Variants in LRRC8D observed in about 807,000 individuals in gnomAD.
LRRC8D encodes the protein volume-regulated anion channel subunit LRRC8D.
Under a neutral mutation model 55.8 loss-of-function variants are expected in LRRC8D, and 20 were observed. The observed-to-expected ratio is 0.36, with a 90% CI of 0.25 to 0.52. The LOEUF is 0.52. Among genes scored for constraint, LRRC8D ranks in the 20% least tolerant of loss-of-function variants. The probability of loss-of-function intolerance (pLI) is 0.93; values close to 1 mark genes in which losing one functional copy is unlikely to be tolerated. For synonymous variants in LRRC8D, 352 were observed against 377.0 expected (o/e 0.93, Z 0.77); for missense variants, 651 against 1,030.8 (o/e 0.63, Z 5.05).
Position 89,935,276 on chromosome 1 carries a change from G to T in LRRC8D, c.2208G>T (p.Val736=). ...TACAGAAACTCAGATGCTTAGATGTGAGCTACAACAACATTTCAATGATTC... is the reference window on the plus strand; with the variant it reads ...TACAGAAACTCAGATGCTTAGATGTTAGCTACAACAACATTTCAATGATTC... ...FSLQKLRCLD[V]SYNNISMIPI... Residue 736 remains valine, a synonymous_variant, in exon 3 of 3, where the codon GTG becomes GTT. Transcript: ENST00000337338. 6.2e-7 allele frequency: 1 copy of T among 1,614,150 alleles called. No homozygotes were observed. The highest frequency in any genetic ancestry group is 8.5e-7 in the Non-Finnish European group (1 of 1,180,008).
At chr1:89,837,313 G>C (rs1045195495) in intron 1 of LRRC8D, among the ~76,000 whole-genome samples, 1 of 152,114 alleles carries the variant, frequency 6.6e-6, no homozygotes, top group Non-Finnish European at 1.5e-5. Flanking sequence ...TTTCAGCCTA[G>C]TGCCCCTAGA....
At chr1:89,836,596 G>A (rs1416445387) in intron 1 of LRRC8D, among the ~76,000 whole-genome samples, 4 of 152,202 alleles carry the variant, frequency 2.6e-5, no homozygotes, top group Non-Finnish European at 5.9e-5. Flanking sequence ...TACTGATAGT[G>A]TATGGAATAA....
intron 2 of LRRC8D, among the ~76,000 whole-genome samples, chr1:89,852,544 C>T (rs1661445279): frequency 6.6e-6 from 1 of 152,158 alleles, no homozygotes; most frequent in Admixed American, 6.5e-5. Flanking sequence ...TGAAATGGTG[C>T]CTAACCTCTG....
In LRRC8D at chr1:89,845,129, A is replaced by G. The variant is rs960281627; in HGVS notation, c.-3+1347A>G. Among the ~76,000 whole-genome samples the G allele has an allele frequency of 1.2e-4, 19 of 152,310 alleles. No homozygotes were observed. In the East Asian group the frequency reaches 2.3e-3, roughly 19 times the overall value. On this transcript the variant is annotated intron_variant, in intron 2 of 2. Transcript: ENST00000337338. ...AGGGTTAGGTGTAGAATTTACATTCATGACGTGGGATGCTGACTATAGCAT... is the reference window on the plus strand; with the variant it reads ...AGGGTTAGGTGTAGAATTTACATTCGTGACGTGGGATGCTGACTATAGCAT...
intron 1 of LRRC8D, 43 bp from the exon 2 acceptor site, chr1:89,843,593 ACT>A: frequency 1.4e-6 from 1 of 690,222 alleles, no homozygotes; most frequent in Admixed American, 2.0e-5. Flanking sequence ...CGCTGCCGAC[ACT>A]TGGATCTCTC....
chr1:89,867,725 C>T (rs570735394), intron 2 of LRRC8D, among the ~76,000 whole-genome samples: 15 of 152,294 alleles, frequency 9.8e-5, no homozygotes, highest in African/African-American at 3.4e-4. Flanking sequence ...TTTGCATTCC[C>T]ACCAGCAATG....
At chr1:89,928,109 T>G (rs1477411111) in intron 2 of LRRC8D, among the ~76,000 whole-genome samples, 6 of 152,174 alleles carry the variant, frequency 3.9e-5, no homozygotes, top group Non-Finnish European at 8.8e-5. Context: ...TTGCTCTGTT[T>G]CCCAGGCTGG....
intron 2 of LRRC8D, among the ~76,000 whole-genome samples, chr1:89,910,057 T>C (rs1269421026): frequency 6.6e-6 from 1 of 152,216 alleles, no homozygotes; most frequent in East Asian, 1.9e-4. Flanking sequence ...GTGAGTTGTT[T>C]ATTCTTTTAA....
intron 2 of LRRC8D, among the ~76,000 whole-genome samples, chr1:89,905,838 G>C (rs550971553): frequency 2.0e-5 from 3 of 152,186 alleles, no homozygotes; most frequent in Non-Finnish European, 4.4e-5. Context: ...TGAGGGGGCA[G>C]CAAGGAAGGC....
chr1:89,914,857 C>T (rs569832326), intron 2 of LRRC8D, among the ~76,000 whole-genome samples: 49 of 152,202 alleles, frequency 3.2e-4, no homozygotes, highest in Admixed American at 2.2e-3. Context: ...AGTCACTGCA[C>T]GGGGCCGTGT....
chr1:89,901,299 C>T (rs114599741), intron 2 of LRRC8D, among the ~76,000 whole-genome samples: 2,326 of 152,294 alleles, frequency 0.015, 49 homozygotes, highest in African/African-American at 0.053. Context: ...AGCCAGGAAG[C>T]CAGATTTCAG....
rs141176506 is a variant in LRRC8D, at chr1:89,860,475, C to T, written c.-3+16693C>T. ...TACACGTCCAATTTTAAAATGTACA[C>T]GTGGCCGGGCACAGTGGCTCACGCC... On this transcript the variant is annotated intron_variant, in intron 2 of 2. Coordinates refer to ENST00000337338, the MANE Select transcript of LRRC8D (RefSeq NM_001134479.2). 4.2e-3 allele frequency among the ~76,000 whole-genome samples: 635 copies of T among 151,946 alleles called. 11 individuals are homozygous for T. Among genetic ancestry groups the T allele is most frequent in the African/African-American group, 0.014 (600 of 41,436 alleles).
intron 2 of LRRC8D, among the ~76,000 whole-genome samples, chr1:89,918,886 G>A (rs1207141957): frequency 6.6e-6 from 1 of 152,156 alleles, no homozygotes; most frequent in Non-Finnish European, 1.5e-5. Flanking sequence ...GTTCAGGTTG[G>A]GTGCCTTCTG....
At chr1:89,865,807 A>C (rs376176145) in intron 2 of LRRC8D, among the ~76,000 whole-genome samples, 3 of 152,208 alleles carry the variant, frequency 2.0e-5, no homozygotes, top group African/African-American at 7.2e-5. Context: ...ATCAACTCCA[A>C]ATATATATCT....
intron 1 of LRRC8D, among the ~76,000 whole-genome samples, chr1:89,830,903 CTTTTTT>C (rs1178734654): frequency 3.7e-5 from 5 of 135,814 alleles, no homozygotes; most frequent in African/African-American, 1.4e-4. Flanking sequence ...GCACAATACA[CTTTTTT>C]TTTTTTTTTT....
At chr1:89,879,244 C>T (rs571755817) in intron 2 of LRRC8D, among the ~76,000 whole-genome samples, 148 of 152,256 alleles carry the variant, frequency 9.7e-4, no homozygotes, top group Non-Finnish European at 5.7e-4. Context: ...TGTTCTTCTC[C>T]TTTTGTTTGG....
chr1:89,852,262 T>C (rs187123071), intron 2 of LRRC8D, among the ~76,000 whole-genome samples: 8 of 152,360 alleles, frequency 5.3e-5, no homozygotes, highest in Admixed American at 2.0e-4. Context: ...GCTAGTTACC[T>C]GACTAAACTT....
intron 2 of LRRC8D, among the ~76,000 whole-genome samples, chr1:89,862,617 TATAACTGTATCC>T (rs1193026394): frequency 1.3e-5 from 2 of 152,232 alleles, no homozygotes; most frequent in African/African-American, 4.8e-5. Context: ...AGGAGATGGG[TATAACTGTATCC>T]ATTTTTGTCA....
chr1:89,864,631 A>G (rs905228139), intron 2 of LRRC8D, among the ~76,000 whole-genome samples: 24 of 152,098 alleles, frequency 1.6e-4, no homozygotes, highest in Admixed American at 1.0e-3. Flanking sequence ...TGCTCTCTAT[A>G]CATTGGAACC....
Sources: gnomAD v4.1 joint callset for allele counts (sites outside exome capture counted in the v4.1 genomes callset) on GRCh38, gnomAD v4.1.1 for gene constraint, MANE v1.5 for transcripts, NCBI Gene and HGNC (gene_info 2026-07-23, HGNC 2026-07-21) for gene names.